Variants in PACC1 observed in about 807,000 individuals in gnomAD.
PACC1 encodes proton-activated chloride channel.
Under a neutral mutation model 39.7 loss-of-function variants are expected in PACC1, and 34 were observed. The observed-to-expected ratio is 0.86, with a 90% confidence interval of 0.65 to 1.14. PACC1 has a LOEUF of 1.14. Among genes scored for constraint, PACC1 ranks in the 50% most tolerant of loss-of-function variants. The pLI is 0.00. For synonymous variants in PACC1, 127 were observed against 160.6 expected (o/e 0.79, Z 1.58); for missense variants, 379 against 436.4 (o/e 0.87, Z 1.17).
intron 2 of PACC1, among the ~76,000 whole-genome samples, chr1:212,408,462 G>A (rs1435096825): frequency 2.6e-5 from 4 of 151,954 alleles, no homozygotes; most frequent in African/African-American, 9.7e-5. Flanking sequence ...CTGGGTTCAA[G>A]CGATTCTCCT....
intron 2 of PACC1, among the ~76,000 whole-genome samples, chr1:212,401,601 G>A (rs1195961953): frequency 7.1e-6 from 1 of 141,588 alleles, no homozygotes; most frequent in African/African-American, 2.6e-5. Flanking sequence ...ACTCCAGCCT[G>A]GGCAACAGAG....
chr1:212,377,635 C>T lies in PACC1; in HGVS notation c.710G>A (p.Arg237His), dbSNP rs150060518. Residue 237 changes from arginine (R) to histidine (H), a missense_variant, in exon 6 of 8, where the codon CGC (arginine) becomes CAC (histidine). Coordinates refer to ENST00000261455, the MANE Select transcript of PACC1 (RefSeq NM_018252.3). ...YSSWKFSGGF[R>H]TWVKMSLVKT... ...TACCAGTGACATCTTGACCCAGGTG[C>T]GGAAGCCCCCAGAGAACTTCCAGCT... is the stretch of plus-strand genomic sequence containing the variant. 1.5e-4 allele frequency: 240 copies of T among 1,614,206 alleles called. No homozygotes were observed. The highest frequency in any genetic ancestry group is 4.2e-4 in the South Asian group (38 of 91,090).
chr1:212,394,806 A>G (rs1377182676), intron 2 of PACC1, among the ~76,000 whole-genome samples: 1 of 152,232 alleles, frequency 6.6e-6, no homozygotes, highest in East Asian at 1.9e-4. Context: ...ACAAACAGAG[A>G]GCCAAATCAT....
chr1:212,401,622 C>CAA (rs770201392), intron 2 of PACC1, among the ~76,000 whole-genome samples: 8,298 of 44,480 alleles, frequency 0.19, 796 homozygotes, highest in East Asian at 0.38. Context: ...ACTCTTGTCT[C>CAA]AAAAAAAAAA....
rs369567324 is a variant in PACC1, at chr1:212,376,263, G to A, written c.784-963C>T. 3.3e-5 allele frequency among the ~76,000 whole-genome samples: 5 copies of A among 152,206 alleles called. No homozygotes were observed. The East Asian group carries it at 7.7e-4, about 24-fold the overall frequency. ...CCACAAAGCTGAACAAAATGCCTACGTCACTACAGTATAGGGGCATACCTA... is the reference window on the plus strand; with the variant it reads ...CCACAAAGCTGAACAAAATGCCTACATCACTACAGTATAGGGGCATACCTA... On this transcript the variant is annotated intron_variant, in intron 6 of 7. Transcript: ENST00000261455.
intron 2 of PACC1, among the ~76,000 whole-genome samples, chr1:212,394,520 T>G (rs1330782837): frequency 3.3e-5 from 5 of 152,142 alleles, no homozygotes; most frequent in African/African-American, 9.7e-5. Context: ...CTTTGAAAAC[T>G]GGCACAAGAC....
chr1:212,390,384 T>C (rs1015754454), intron 2 of PACC1, among the ~76,000 whole-genome samples: 24 of 148,450 alleles, frequency 1.6e-4, no homozygotes, highest in African/African-American at 5.5e-4. Flanking sequence ...GATCACGCCA[T>C]TGCACTCCAG....
intron 7 of PACC1, among the ~76,000 whole-genome samples, chr1:212,372,682 T>A (rs1341844838): frequency 6.6e-6 from 1 of 152,152 alleles, no homozygotes; most frequent in Non-Finnish European, 1.5e-5. Flanking sequence ...TCAGGAATAT[T>A]TCTATATGCT....
chr1:212,405,814 G>A (rs572823805), intron 2 of PACC1, among the ~76,000 whole-genome samples: 2 of 152,232 alleles, frequency 1.3e-5, no homozygotes, highest in Admixed American at 1.3e-4. Context: ...ACCTCACAGA[G>A]TGGCTGTGAA....
intron 2 of PACC1, among the ~76,000 whole-genome samples, chr1:212,395,124 G>A (rs1464994279): frequency 2.0e-5 from 3 of 152,124 alleles, no homozygotes; most frequent in Admixed American, 6.5e-5. Context: ...AGCCCGCATT[G>A]CCAAGTCAAT....
chr1:212,389,009 T>G (rs1661206846), intron 2 of PACC1, among the ~76,000 whole-genome samples: 1 of 152,172 alleles, frequency 6.6e-6, no homozygotes. Context: ...AAAACAATTA[T>G]AAACTTTGGA....
At chr1:212,377,158 T>G (rs577091336) in intron 6 of PACC1, among the ~76,000 whole-genome samples, 1 of 152,250 alleles carries the variant, frequency 6.6e-6, no homozygotes, top group South Asian at 2.1e-4. Flanking sequence ...GAAGAGGACC[T>G]TAGGAAAAGG....
chr1:212,396,826 ATC>A (rs1661542968), intron 2 of PACC1, among the ~76,000 whole-genome samples: 1 of 151,264 alleles, frequency 6.6e-6, no homozygotes, highest in Non-Finnish European at 1.5e-5. Context: ...CTATCTATCT[ATC>A]TATCTATCTA....
intron 1 of PACC1, among the ~76,000 whole-genome samples, chr1:212,411,927 G>A (rs752219220): frequency 2.0e-5 from 3 of 152,116 alleles, no homozygotes; most frequent in Admixed American, 6.5e-5. Context: ...GATCGCCTGA[G>A]GTCAGGAGTT....
Position 212,379,969 on chromosome 1 carries a change from G to GTGAGAGGTAGTTCAGTAGTT in PACC1, c.563_564insAACTACTGAACTACCTCTCA (p.Leu189ThrfsTer8). On this transcript the variant is annotated frameshift_variant, in exon 5 of 8. Transcript: ENST00000261455. LOFTEE classifies it high-confidence loss of function. ...TGAAGTCCTCACTACTCTTGTTCAGGCGGAACTGGAGGAAGACCAGCTCCC... is the reference window on the plus strand; with the variant it reads ...TGAAGTCCTCACTACTCTTGTTCAGGTGAGAGGTAGTTCAGTAGTTCGGAACTGGAGGAAGACCAGCTCCC... 6.2e-7 allele frequency: 1 copy of GTGAGAGGTAGTTCAGTAGTT among 1,614,196 alleles called. No homozygotes were observed. Among genetic ancestry groups the GTGAGAGGTAGTTCAGTAGTT allele is most frequent in the Non-Finnish European group, 8.5e-7 (1 of 1,180,030 alleles).
chr1:212,395,647 G>A (rs1206410866), intron 2 of PACC1, among the ~76,000 whole-genome samples: 3 of 152,104 alleles, frequency 2.0e-5, no homozygotes, highest in Non-Finnish European at 2.9e-5. Flanking sequence ...AGAGTTAACA[G>A]GCAACCTACA....
intron 2 of PACC1, among the ~76,000 whole-genome samples, chr1:212,389,168 A>G (rs1408327837): frequency 6.6e-6 from 1 of 152,230 alleles, no homozygotes; most frequent in East Asian, 1.9e-4. Flanking sequence ...GCCAATCCCT[A>G]TAAGGCATGG....
At chr1:212,395,967 G>A (rs1243979182) in intron 2 of PACC1, among the ~76,000 whole-genome samples, 2 of 152,170 alleles carry the variant, frequency 1.3e-5, no homozygotes, top group African/African-American at 4.8e-5. Flanking sequence ...GGAGAAATAG[G>A]AACACTTTTA....
chr1:212,395,229 C>A (rs986997494), intron 2 of PACC1, among the ~76,000 whole-genome samples: 1 of 152,098 alleles, frequency 6.6e-6, no homozygotes, highest in Non-Finnish European at 1.5e-5. Context: ...GTACTGGTAC[C>A]AAAACAGAGA....
Sources: gnomAD v4.1 joint callset for allele counts (sites outside exome capture counted in the v4.1 genomes callset) on GRCh38, gnomAD v4.1.1 for gene constraint, MANE v1.5 for transcripts, NCBI Gene and HGNC (gene_info 2026-07-23, HGNC 2026-07-21) for gene names.